ABCC4: variants seen among roughly 807,000 people sequenced by gnomAD.
ABCC4 encodes ATP-binding cassette sub-family C member 4.
Under a neutral mutation model 168.5 loss-of-function variants are expected in ABCC4, and 102 were observed. The observed-to-expected ratio is 0.61, with a 90% CI of 0.52 to 0.71. The LOEUF (loss-of-function observed/expected upper bound fraction) is 0.71, where lower values mean the gene tolerates loss of function less well. Among genes scored for constraint, ABCC4 ranks in the 30% least tolerant of loss-of-function variants. The pLI, the probability that ABCC4 is intolerant of heterozygous loss-of-function variation, is 0.00. For synonymous variants in ABCC4, 617 were observed against 590.7 expected (o/e 1.04, Z -0.65); for missense variants, 1,402 against 1,605.8 (o/e 0.87, Z 2.17).
intron 4 of ABCC4, among the ~76,000 whole-genome samples, chr13:95,218,638 G>T (rs1279539558): frequency 3.3e-5 from 5 of 151,998 alleles, no homozygotes; most frequent in Non-Finnish European, 5.9e-5. Context: ...GATCACATGA[G>T]CCCAGGAGTT....
At chr13:95,188,397 G>A (rs1378624676) in intron 10 of ABCC4, 56 bp downstream of exon 10, 8 of 1,519,232 alleles carry the variant, frequency 5.3e-6, no homozygotes, top group East Asian at 4.5e-5. Context: ...TCAAACCCAC[G>A]AAGTTAATAT....
At chr13:95,189,330 T>TC (rs2038181472) in intron 9 of ABCC4, among the ~76,000 whole-genome samples, 1 of 151,484 alleles carries the variant, frequency 6.6e-6, no homozygotes, top group Non-Finnish European at 1.5e-5. Flanking sequence ...AGACGGGGTT[T>TC]CACCGTGGTC....
intron 14 of ABCC4, 128 bp from the exon 15 acceptor site, chr13:95,166,495 G>T: frequency 1.3e-6 from 1 of 762,396 alleles, no homozygotes; most frequent in Non-Finnish European, 2.1e-6. Context: ...AATCCTAGTT[G>T]ACAAATCTAA....
intron 19 of ABCC4, among the ~76,000 whole-genome samples, chr13:95,158,449 T>A (rs2036952428): frequency 1.3e-5 from 2 of 152,170 alleles, no homozygotes; most frequent in Non-Finnish European, 2.9e-5. Flanking sequence ...ACCTGGAGTT[T>A]CTGTGCCAGT....
chr13:95,151,816 C>A (rs981886695), intron 19 of ABCC4, among the ~76,000 whole-genome samples: 29 of 152,108 alleles, frequency 1.9e-4, no homozygotes, highest in African/African-American at 7.0e-4. Flanking sequence ...TGTTAGAACC[C>A]TGAGGCTAAG....
chr13:95,301,112 G>C (rs961697848), intron 1 of ABCC4, 129 bp downstream of exon 1: 1 of 852,204 alleles, frequency 1.2e-6, no homozygotes, highest in African/African-American at 1.8e-5. Context: ...CGTGGACCGC[G>C]TGGCGTAGGA....
intron 1 of ABCC4, 91 bp from the exon 2 acceptor site, chr13:95,247,844 T>A: frequency 1.1e-6 from 1 of 900,602 alleles, no homozygotes; most frequent in Non-Finnish European, 1.8e-6. Context: ...TAAACTTACC[T>A]TTAAAATACA....
At chr13:95,043,497 A>C in intron 29 of ABCC4, 185 bp downstream of exon 29, 1 of 501,974 alleles carries the variant, frequency 2.0e-6, no homozygotes, top group Non-Finnish European at 3.6e-6. Flanking sequence ...GCAAAGAGAT[A>C]CATTGGATAT....
chr13:95,292,818 A>G (rs1253263943), intron 1 of ABCC4, among the ~76,000 whole-genome samples: 10 of 152,132 alleles, frequency 6.6e-5, no homozygotes, highest in African/African-American at 1.7e-4. Flanking sequence ...CCTGAAACAG[A>G]CCAGCACGGA....
intron 9 of ABCC4, among the ~76,000 whole-genome samples, chr13:95,194,235 C>T (rs1482902501): frequency 2.0e-5 from 3 of 152,136 alleles, no homozygotes; most frequent in African/African-American, 4.8e-5. Context: ...ACTACCTGTC[C>T]ACTTACCACA....
Position 95,259,789 on chromosome 13 carries a change from G to T in ABCC4, c.75-12036C>A, listed in dbSNP as rs17300928. ...CCACCGGTTCAATTCCACTCCAAGA[G>T]TTCAAGGCATCTATGTTAACAAAGA... On this transcript the variant is annotated intron_variant, in intron 1 of 30. Coordinates refer to ENST00000645237, the MANE Select transcript of ABCC4 (RefSeq NM_005845.5). Among the ~76,000 whole-genome samples the T allele has an allele frequency of 7.6e-3, 1,149 of 151,378 alleles. 30 individuals carry two copies. In the East Asian group the frequency reaches 0.087, roughly 11 times the overall value.
At chr13:95,190,146 A>G (rs945435320) in intron 9 of ABCC4, among the ~76,000 whole-genome samples, 3 of 152,068 alleles carry the variant, frequency 2.0e-5, no homozygotes, top group Non-Finnish European at 2.9e-5. Context: ...GGAGTTCAAG[A>G]CAAGCTGGGG....
At chr13:95,148,725 G>A in intron 19 of ABCC4, among the ~76,000 whole-genome samples, 1 of 151,560 alleles carries the variant, frequency 6.6e-6, no homozygotes, top group Non-Finnish European at 1.5e-5. Flanking sequence ...AAATGAAAGT[G>A]GACATGAGAA....
At chr13:95,208,594 C>A (rs2038853065) in intron 6 of ABCC4, among the ~76,000 whole-genome samples, 1 of 141,014 alleles carries the variant, frequency 7.1e-6, no homozygotes, top group Non-Finnish European at 1.5e-5. Flanking sequence ...ATCTCTTGAT[C>A]AAAAGCTGTA....
intron 8 of ABCC4, among the ~76,000 whole-genome samples, chr13:95,199,251 T>C (rs899363982): frequency 3.9e-5 from 6 of 152,234 alleles, no homozygotes; most frequent in Non-Finnish European, 1.5e-5. Flanking sequence ...GATCAGTATA[T>C]TGGGCAGAAC....
chr13:95,166,409 G>T, intron 14 of ABCC4, 42 bp from the exon 15 acceptor site: 2 of 1,511,346 alleles, frequency 1.3e-6, no homozygotes, highest in Non-Finnish European at 1.8e-6. Flanking sequence ...ACATGTGCAG[G>T]TGATAATGTT....
intron 3 of ABCC4, among the ~76,000 whole-genome samples, chr13:95,245,723 T>C (rs1368303616): frequency 2.0e-5 from 3 of 152,034 alleles, no homozygotes; most frequent in Non-Finnish European, 4.4e-5. Flanking sequence ...AATGAGACCA[T>C]TCATCTCCCA....
chr13:95,032,457 C>A (rs1302068996), intron 30 of ABCC4, among the ~76,000 whole-genome samples: 1 of 152,134 alleles, frequency 6.6e-6, no homozygotes, highest in East Asian at 1.9e-4. Context: ...TAGTGCCCAG[C>A]GTAATACTGT....
At chr13:95,238,155 C>G (rs1035490243) in intron 3 of ABCC4, among the ~76,000 whole-genome samples, 2 of 140,616 alleles carry the variant, frequency 1.4e-5, no homozygotes, top group Admixed American at 7.4e-5. Context: ...GATCGCGCCA[C>G]TGCACTCCAG....
Sources: gnomAD v4.1 joint callset for allele counts (sites outside exome capture counted in the v4.1 genomes callset) on GRCh38, gnomAD v4.1.1 for gene constraint, MANE v1.5 for transcripts, NCBI Gene and HGNC (gene_info 2026-07-23, HGNC 2026-07-21) for gene names.